RSU1: variants seen among roughly 807,000 people sequenced by gnomAD.
The protein encoded by RSU1 is rsu-1.
Under a neutral mutation model 31.1 loss-of-function variants are expected in RSU1, and 26 were observed. The observed-to-expected ratio is 0.84, with a 90% CI of 0.61 to 1.16. RSU1 has a LOEUF of 1.16. Among genes scored for constraint, RSU1 ranks in the 50% most tolerant of loss-of-function variants. RSU1 has a pLI of 0.00. For missense variants in RSU1, 320 were observed against 339.1 expected (o/e 0.94, Z 0.44); for synonymous variants, 164 against 136.3 (o/e 1.20, Z -1.41).
chr10:16,810,013 C>T lies in RSU1; in HGVS notation c.109+6960G>A, dbSNP rs181631194. On this transcript the variant is annotated intron_variant, in intron 2 of 8. Coordinates refer to ENST00000345264, the MANE Select transcript of RSU1 (RefSeq NM_012425.4). ...GGGGTGGGGGGGGGAGGTGAATCAC[C>T]TGAGGTCAGGAGTTCAAGACCAGCC... is the stretch of plus-strand genomic sequence containing the variant. 2.8e-3 allele frequency among the ~76,000 whole-genome samples: 415 copies of T among 149,320 alleles called. 2 individuals carry two copies. Among genetic ancestry groups the T allele is most frequent in the African/African-American group, 9.6e-3 (394 of 41,230 alleles).
intron 7 of RSU1, among the ~76,000 whole-genome samples, chr10:16,725,688 G>A (rs1353045460): frequency 6.6e-6 from 1 of 151,582 alleles, no homozygotes; most frequent in Non-Finnish European, 1.5e-5. Flanking sequence ...CAGATGGAAT[G>A]CAGCCCTCGC....
intron 7 of RSU1, among the ~76,000 whole-genome samples, chr10:16,737,535 A>C (rs1836652099): frequency 1.3e-5 from 2 of 152,068 alleles, no homozygotes; most frequent in African/African-American, 4.8e-5. Context: ...AAACAAAATA[A>C]AAATATTTCA....
intron 2 of RSU1, among the ~76,000 whole-genome samples, chr10:16,807,036 C>T (rs935076438): frequency 1.6e-4 from 25 of 152,122 alleles, no homozygotes; most frequent in African/African-American, 6.0e-4. Context: ...GGGATTACAG[C>T]AGGCATGAGT....
At chr10:16,672,409 T>C (rs1835125583) in intron 8 of RSU1, among the ~76,000 whole-genome samples, 1 of 152,198 alleles carries the variant, frequency 6.6e-6, no homozygotes, top group African/African-American at 2.4e-5. Flanking sequence ...AAAAGACTTT[T>C]ACACAAAAGC....
intron 7 of RSU1, among the ~76,000 whole-genome samples, chr10:16,746,335 T>C (rs1328179709): frequency 6.6e-6 from 1 of 152,166 alleles, no homozygotes. Flanking sequence ...TGGTGCAAAT[T>C]AAGGTTTTGA....
At chr10:16,810,271 A>G (rs367925557) in intron 2 of RSU1, among the ~76,000 whole-genome samples, 32 of 152,300 alleles carry the variant, frequency 2.1e-4, no homozygotes, top group Admixed American at 1.0e-3. Flanking sequence ...AAAAAATTCA[A>G]TGTAAACTCC....
At chr10:16,733,006 GA>G (rs929436429) in intron 7 of RSU1, among the ~76,000 whole-genome samples, 5 of 152,014 alleles carry the variant, frequency 3.3e-5, no homozygotes, top group African/African-American at 1.2e-4. Context: ...TGTAAAATGG[GA>G]AAAAAGTAAC....
rs568721193 is a variant in RSU1 at position 16,799,629 on chromosome 10, G to C, written c.109+17344C>G. ...CCAGGTTCTAAGGGTGAAAAAATTA[G>C]AAAAAAAAATCCCTCTGTGCTTCAT... On this transcript the variant is annotated intron_variant, in intron 2 of 8. Transcript: ENST00000345264. Among the ~76,000 whole-genome samples, 159 of 151,134 alleles carry C rather than the reference G, an allele frequency of 1.1e-3. 1 individual carries two copies. The highest frequency in any genetic ancestry group is 3.7e-3 in the African/African-American group (154 of 41,212).
Position 16,643,902 on chromosome 10 carries a change from TA to T in RSU1, c.732-50407del, listed in dbSNP as rs1554762386. On this transcript the variant is annotated intron_variant, in intron 8 of 8. Coordinates refer to ENST00000345264, the MANE Select transcript of RSU1 (RefSeq NM_012425.4). ...CTGAACAAGTGAAGATTTTTTTTTT[TA>T]AAAAAACTTGTCATTATTCTCTAAC... 3.4e-4 allele frequency among the ~76,000 whole-genome samples: 48 copies of T among 141,946 alleles called. No individual in the cohort carries two copies. In the East Asian group the frequency reaches 3.5e-3, roughly 10 times the overall value. 93.1% of individuals were successfully genotyped at this position (141,946 alleles called of 152,430 possible).
chr10:16,668,164 G>A (rs930881391), intron 8 of RSU1, among the ~76,000 whole-genome samples: 2 of 152,116 alleles, frequency 1.3e-5, no homozygotes, highest in Non-Finnish European at 2.9e-5. Flanking sequence ...AGAAAATGGG[G>A]ATAAGCAGTA....
intron 7 of RSU1, among the ~76,000 whole-genome samples, chr10:16,704,262 T>C (rs1271726911): frequency 3.9e-5 from 6 of 152,222 alleles, no homozygotes; most frequent in South Asian, 4.1e-4. Context: ...TTATTTGTTA[T>C]ACATGTACCA....
In RSU1 at chr10:16,591,611, T is replaced by G. The variant is rs1833505493; in HGVS notation, c.*1783A>C. 1 of 152,232 alleles carries G rather than the reference T, an allele frequency of 6.6e-6. No individual in the cohort carries two copies. The highest frequency in any genetic ancestry group is 1.5e-5 in the Non-Finnish European group (1 of 68,038). 9.4% of individuals were successfully genotyped at this position (152,232 alleles called of 1,614,324 possible). On this transcript the variant is annotated 3_prime_UTR_variant, in exon 9 of 9. Transcript: ENST00000345264. ...CTTCTTTTTGCTTTGATCTGTATAC[T>G]TTTTAAAAATATTACCAGTGAGTCT...
intron 8 of RSU1, among the ~76,000 whole-genome samples, chr10:16,609,308 G>A (rs968579422): frequency 2.0e-5 from 3 of 152,214 alleles, no homozygotes; most frequent in Non-Finnish European, 4.4e-5. Context: ...CTGGCTAGGG[G>A]AGAGCCTTAG....
At chr10:16,773,842 G>A (rs7916331) in intron 3 of RSU1, among the ~76,000 whole-genome samples, 26,961 of 151,980 alleles carry the variant, frequency 0.18, 2,422 homozygotes, top group Middle Eastern at 0.22. Flanking sequence ...CTTTCTGAAG[G>A]ATAAGCCAAA....
chr10:16,598,250 C>T (rs748975439), intron 8 of RSU1, among the ~76,000 whole-genome samples: 3 of 152,124 alleles, frequency 2.0e-5, no homozygotes, highest in Non-Finnish European at 4.4e-5. Context: ...AAGAAAGCAG[C>T]AGGAGGGACC....
chr10:16,702,960 G>A (rs991703002), intron 7 of RSU1, among the ~76,000 whole-genome samples: 3 of 152,202 alleles, frequency 2.0e-5, no homozygotes, highest in Non-Finnish European at 4.4e-5. Context: ...AGGATCATAA[G>A]AGTAATCCTT....
chr10:16,783,184 T>C (rs1360840128), intron 2 of RSU1, among the ~76,000 whole-genome samples: 2 of 152,108 alleles, frequency 1.3e-5, no homozygotes, highest in Non-Finnish European at 2.9e-5. Flanking sequence ...GTGCTGGGAT[T>C]ACAGGCATCA....
intron 8 of RSU1, among the ~76,000 whole-genome samples, chr10:16,675,046 T>C (rs1207013371): frequency 6.7e-6 from 1 of 148,654 alleles, no homozygotes; most frequent in East Asian, 2.0e-4. Flanking sequence ...AATAAATAAA[T>C]AAAAATAAAA....
chr10:16,794,988 ATTAT>A (rs1236099434), intron 2 of RSU1, among the ~76,000 whole-genome samples: 1 of 152,238 alleles, frequency 6.6e-6, no homozygotes, highest in African/African-American at 2.4e-5. Context: ...GAGAAAAAAG[ATTAT>A]TTATGTAATG....
Sources: gnomAD v4.1 joint callset for allele counts (sites outside exome capture counted in the v4.1 genomes callset) on GRCh38, gnomAD v4.1.1 for gene constraint, MANE v1.5 for transcripts, NCBI Gene and HGNC (gene_info 2026-07-23, HGNC 2026-07-21) for gene names.